Variants in LRRC8D observed in about 807,000 individuals in gnomAD.
LRRC8D encodes the protein leucine rich repeat containing 8 VRAC subunit D.
A neutral mutation model predicts 55.8 loss-of-function variants in LRRC8D; 20 were observed. The ratio of observed to expected loss-of-function variants is 0.36; its 90% CI spans 0.25 to 0.52. The LOEUF (loss-of-function observed/expected upper bound fraction) is 0.52. Ranked by LOEUF, LRRC8D falls within the 20% of genes least tolerant of loss-of-function variation. LRRC8D has a pLI of 0.93. For synonymous variants in LRRC8D, 352 were observed against 377.0 expected (o/e 0.93, Z 0.77); for missense variants, 651 against 1,030.8 (o/e 0.63, Z 5.05).
intron 1 of LRRC8D, among the ~76,000 whole-genome samples, chr1:89,837,880 C>T (rs185298174): frequency 8.5e-5 from 13 of 152,056 alleles, no homozygotes; most frequent in South Asian, 6.2e-4. Flanking sequence ...TGTTTTTCTT[C>T]GTGTAGACTC....
intron 2 of LRRC8D, among the ~76,000 whole-genome samples, chr1:89,922,295 C>T (rs922580377): frequency 3.9e-5 from 6 of 152,124 alleles, no homozygotes; most frequent in African/African-American, 7.2e-5. Flanking sequence ...GAGCTCCTGA[C>T]CTCAGGTGAT....
At chr1:89,866,043 C>T (rs1341051780) in intron 2 of LRRC8D, among the ~76,000 whole-genome samples, 1 of 152,150 alleles carries the variant, frequency 6.6e-6, no homozygotes, top group Non-Finnish European at 1.5e-5. Context: ...TGAAACAAAA[C>T]CTTTGCTCTA....
At chr1:89,848,851 C>T (rs1436753028) in intron 2 of LRRC8D, among the ~76,000 whole-genome samples, 1 of 152,108 alleles carries the variant, frequency 6.6e-6, no homozygotes, top group Non-Finnish European at 1.5e-5. Context: ...AGGCGCCCAC[C>T]ACCACGCTGG....
intron 1 of LRRC8D, among the ~76,000 whole-genome samples, chr1:89,823,801 T>C (rs965459941): frequency 1.3e-5 from 2 of 152,130 alleles, no homozygotes; most frequent in African/African-American, 4.8e-5. Context: ...ACAGTTACAG[T>C]TGTCTAAGAA....
intron 2 of LRRC8D, among the ~76,000 whole-genome samples, chr1:89,861,876 AT>A (rs1237120865): frequency 6.6e-6 from 1 of 152,228 alleles, no homozygotes; most frequent in East Asian, 1.9e-4. Context: ...AAATAATTGT[AT>A]TTGACAGAGA....
chr1:89,837,085 A>C (rs1445616442), intron 1 of LRRC8D, among the ~76,000 whole-genome samples: 2 of 152,204 alleles, frequency 1.3e-5, no homozygotes, highest in Non-Finnish European at 1.5e-5. Flanking sequence ...TGCTTTACCA[A>C]GATCAAAGTA....
intron 2 of LRRC8D, among the ~76,000 whole-genome samples, chr1:89,847,106 T>C (rs1315446677): frequency 1.3e-5 from 2 of 152,196 alleles, no homozygotes; most frequent in Admixed American, 6.5e-5. Context: ...ATTCCTTAGA[T>C]GCAAGTAAGT....
chr1:89,829,578 A>C (rs1660839957), intron 1 of LRRC8D, among the ~76,000 whole-genome samples: 1 of 152,180 alleles, frequency 6.6e-6, no homozygotes, highest in Non-Finnish European at 1.5e-5. Context: ...TTATTTTATA[A>C]TACCTAGTAG....
chr1:89,848,698 G>T (rs575420322), intron 2 of LRRC8D, among the ~76,000 whole-genome samples: 101 of 151,528 alleles, frequency 6.7e-4, no homozygotes, highest in African/African-American at 2.3e-3. Context: ...TGTTTTTTTG[G>T]TTTTTTGGGG....
chr1:89,931,003 A>ATTTT lies in LRRC8D; in HGVS notation c.-2-2043_-2-2040dup, dbSNP rs56714673. Among the ~76,000 whole-genome samples the ATTTT allele has an allele frequency of 9.5e-3, 1,149 of 120,902 alleles. 17 individuals are homozygous for ATTTT. The highest frequency in any genetic ancestry group is 0.021 in the African/African-American group (644 of 31,134). The allele number at this position is 120,902 out of a possible 152,430, so 79.3% of individuals were successfully genotyped here. ...TTTTCTTTTTTTCACTTCCTTGGTAATTTTTTTTTTTTTTTTTTTTTTTTA... is the reference window on the plus strand; with the variant it reads ...TTTTCTTTTTTTCACTTCCTTGGTAATTTTTTTTTTTTTTTTTTTTTTTTTTTTA... On this transcript the variant is annotated intron_variant, in intron 2 of 2. Coordinates refer to ENST00000337338, the MANE Select transcript of LRRC8D (RefSeq NM_001134479.2).
intron 1 of LRRC8D, 139 bp from the exon 2 acceptor site, chr1:89,843,499 G>GGAGCGCTGGT: frequency 1.9e-6 from 1 of 526,148 alleles, no homozygotes; most frequent in Non-Finnish European, 3.5e-6. Flanking sequence ...CACGGCCAGG[G>GGAGCGCTGGT]GAGCGCTGGG....
intron 1 of LRRC8D, among the ~76,000 whole-genome samples, chr1:89,826,793 A>G (rs1557438571): frequency 6.6e-6 from 1 of 152,218 alleles, no homozygotes; most frequent in East Asian, 1.9e-4. Context: ...TTTGCAGATG[A>G]CAGCTTTTCT....
chr1:89,879,180 C>G (rs985627579), intron 2 of LRRC8D, among the ~76,000 whole-genome samples: 8 of 152,150 alleles, frequency 5.3e-5, no homozygotes, highest in African/African-American at 1.9e-4. Flanking sequence ...TGTATCTCTT[C>G]AGCTGAAAAA....
At chr1:89,864,105 T>C (rs778850760) in intron 2 of LRRC8D, among the ~76,000 whole-genome samples, 2 of 152,236 alleles carry the variant, frequency 1.3e-5, no homozygotes, top group Non-Finnish European at 2.9e-5. Context: ...TGGGTTTGCA[T>C]TGAGGCACCA....
chr1:89,931,170 T>C (rs1020612118), intron 2 of LRRC8D, among the ~76,000 whole-genome samples: 4 of 150,450 alleles, frequency 2.7e-5, no homozygotes, highest in Non-Finnish European at 4.4e-5. Context: ...TAACTACAGA[T>C]GTGATCATTG....
intron 2 of LRRC8D, among the ~76,000 whole-genome samples, chr1:89,927,605 G>A (rs373005454): frequency 4.6e-5 from 7 of 152,120 alleles, no homozygotes; most frequent in Admixed American, 4.6e-4. Flanking sequence ...CTCAATTTTA[G>A]TAGATAATAC....
In LRRC8D at chr1:89,935,611, A is replaced by G. The variant is rs1447506935; in HGVS notation, c.2543A>G (p.Gln848Arg). Residue 848 changes from glutamine (Q) to arginine (R), a missense_variant, in exon 3 of 3, where the codon CAA becomes CGA. Gln to Arg is a conservative substitution (Grantham distance 43). Around this residue, in one of 5 missense-constraint regions of LRRC8D, gnomAD observed 338 missense variants for 479.4 expected, o/e 0.71. Transcript: ENST00000337338. ...LPLEVKEALN[Q>R]DINIPFANGI ...CTCGAAGTCAAAGAGGCATTGAATC[A>G]AGACATAAATATTCCCTTTGCAAAT... The G allele has an allele frequency of 6.2e-7, 1 of 1,614,152 alleles. No individual in the cohort carries two copies. Among genetic ancestry groups the G allele is most frequent in the Admixed American group, 1.7e-5 (1 of 60,030 alleles).
Position 89,935,683 on chromosome 1 carries a change from C to A in LRRC8D, c.*38C>A, listed in dbSNP as rs906928061. The stretch of plus-strand genomic sequence containing the variant: ...TATGCACAGTGATGTGCAGGAACAA[C>A]TTCCTAGATTGCAAGTGCTCACGTA... On this transcript the variant is annotated 3_prime_UTR_variant, in exon 3 of 3. Transcript: ENST00000337338. 2.6e-6 allele frequency: 4 copies of A among 1,565,720 alleles called. No homozygotes were observed. The highest frequency in any genetic ancestry group is 2.3e-5 in the South Asian group (2 of 87,354).
chr1:89,923,112 T>G (rs939053523), intron 2 of LRRC8D, among the ~76,000 whole-genome samples: 1 of 152,226 alleles, frequency 6.6e-6, no homozygotes, highest in African/African-American at 2.4e-5. Context: ...AACTTTCCCT[T>G]TTCAGTTCTA....
Sources: gnomAD v4.1 joint callset for allele counts (sites outside exome capture counted in the v4.1 genomes callset) on GRCh38, gnomAD v4.1.1 for gene constraint, gnomAD v4.1.1 regional missense constraint, MANE v1.5 for transcripts, NCBI Gene and HGNC (gene_info 2026-07-23, HGNC 2026-07-21) for gene names.